Variants in SNRPA1 observed in about 807,000 individuals in gnomAD.
SNRPA1 encodes U2 small nuclear ribonucleoprotein A'.
A neutral mutation model predicts 32.3 loss-of-function variants in SNRPA1; 5 were observed. The ratio of observed to expected loss-of-function variants is 0.15; its 90% CI spans 0.08 to 0.33. The LOEUF (loss-of-function observed/expected upper bound fraction) is 0.33, where lower values mean the gene tolerates loss of function less well. Among genes scored for constraint, SNRPA1 ranks in the 10% least tolerant of loss-of-function variants. The probability of loss-of-function intolerance (pLI) is 1.00; values close to 1 mark genes in which losing one functional copy is unlikely to be tolerated. For missense variants in SNRPA1, 198 were observed against 311.1 expected (o/e 0.64, Z 2.74); for synonymous variants, 111 against 120.1 (o/e 0.92, Z 0.50).
At chr15:101,287,800 T>A (rs1226749591) in intron 3 of SNRPA1, 98 bp from the exon 4 acceptor site, 19 of 1,043,426 alleles carry the variant, frequency 1.8e-5, no homozygotes, top group Non-Finnish European at 2.6e-5. Flanking sequence ...CTTTTCATTA[T>A]TTACTGAATT....
At position 101,291,833 on chromosome 15, in the gene SNRPA1, T is replaced by C. The variant is rs745717830; in HGVS notation, c.309+129A>G. 13 of 606,712 alleles carry C rather than the reference T, an allele frequency of 2.1e-5. No individual in the cohort carries two copies. In the South Asian group the frequency reaches 2.4e-4, roughly 11 times the overall value. The allele number at this position is 606,712 out of a possible 1,614,324, so 37.6% of individuals were successfully genotyped here. On this transcript the variant is annotated intron_variant, in intron 3 of 8. Transcript: ENST00000254193. ...GGCTGCAGAACCCAAAAGGCCCAGA[T>C]CCTGAATTAAGAAAAAGACAAGAAA...
intron 8 of SNRPA1, among the ~76,000 whole-genome samples, chr15:101,282,717 C>T (rs895099885): frequency 6.6e-6 from 1 of 152,186 alleles, no homozygotes; most frequent in African/African-American, 2.4e-5. Flanking sequence ...CATGTAATTA[C>T]ACATCAAAAA....
rs746250594 is a variant in SNRPA1 at position 101,295,202 on chromosome 15, G to T, written c.-24C>A. The T allele has an allele frequency of 6.6e-7, 1 of 1,515,504 alleles. No individual in the cohort carries two copies. 93.9% of individuals were successfully genotyped at this position (1,515,504 alleles called of 1,614,324 possible). On this transcript the variant is annotated 5_prime_UTR_variant, in exon 1 of 9. Transcript: ENST00000254193. Reference sequence around the variant, plus strand: ...ATCCTGCAGCCTCCCGTTCCCCCGCGCTGTGGAAAGCCCGTGGCCTCCCGC... The same window carrying T: ...ATCCTGCAGCCTCCCGTTCCCCCGCTCTGTGGAAAGCCCGTGGCCTCCCGC...
intron 7 of SNRPA1, 132 bp downstream of exon 7, chr15:101,285,594 C>A: frequency 1.6e-6 from 1 of 638,724 alleles, no homozygotes; most frequent in South Asian, 1.9e-5. Context: ...TTTCCTTAAA[C>A]AGAAATATTG....
chr15:101,287,775 T>A (rs2039472587), intron 3 of SNRPA1, 73 bp from the exon 4 acceptor site: 1 of 1,376,520 alleles, frequency 7.3e-7, no homozygotes, highest in South Asian at 1.2e-5. Flanking sequence ...GGAGAGTGCT[T>A]TTGAAGCAAG....
intron 8 of SNRPA1, chr15:101,284,599 T>G: frequency 6.1e-6 from 1 of 163,850 alleles, no homozygotes; most frequent in Non-Finnish European, 1.3e-5. Context: ...ACCTCCCGGG[T>G]TCAAGCGATT....
intron 3 of SNRPA1, among the ~76,000 whole-genome samples, chr15:101,290,895 C>G (rs1298971078): frequency 6.6e-6 from 1 of 152,198 alleles, no homozygotes; most frequent in African/African-American, 2.4e-5. Context: ...GAACCCACCA[C>G]CACGCCCGGC....
At chr15:101,288,861 G>C (rs1174934071) in intron 3 of SNRPA1, among the ~76,000 whole-genome samples, 1 of 152,200 alleles carries the variant, frequency 6.6e-6, no homozygotes, top group Non-Finnish European at 1.5e-5. Context: ...TCTGTGATAA[G>C]GGCTGCAGGG....
chr15:101,283,179 C>T (rs74041962), intron 8 of SNRPA1, among the ~76,000 whole-genome samples: 14,617 of 152,178 alleles, frequency 0.096, 1,950 homozygotes, highest in African/African-American at 0.3. Flanking sequence ...CTGAGGTGCC[C>T]GCAGTTCTAC....
chr15:101,288,840 G>A (rs2039486661), intron 3 of SNRPA1, among the ~76,000 whole-genome samples: 1 of 152,172 alleles, frequency 6.6e-6, no homozygotes, highest in Non-Finnish European at 1.5e-5. Context: ...TTCCAATAAT[G>A]ACTACAGGGG....
rs1249280480 is a variant in SNRPA1 at position 101,286,961 on chromosome 15, T to C, written c.406A>G (p.Ile136Val). Residue 136 changes from isoleucine (I) to valine (V), a missense_variant, in exon 5 of 9, where the codon ATT becomes GTT. Ile to Val is a conservative substitution (Grantham distance 29). This residue lies in a region of SNRPA1 where 119 missense variants were observed against 171.6 expected (regional missense o/e 0.69). Transcript: ENST00000254193. ...ACTCTGACTTGCGGAACTTTATAAA[T>C]CACATACAATCTGTAATGCTTCTTA... is the stretch of plus-strand genomic sequence containing the variant. ...TNKKHYRLYV[I>V]YKVPQVRVLD... is the part of the protein sequence containing the mutation. The C allele has an allele frequency of 1.9e-6, 3 of 1,608,632 alleles. No homozygotes were observed. The highest frequency in any genetic ancestry group is 2.6e-6 in the Non-Finnish European group (3 of 1,175,492).
Position 101,281,768 on chromosome 15 carries a change from C to T in SNRPA1, c.724G>A (p.Gly242Ser). 2.5e-6 allele frequency: 4 copies of T among 1,614,082 alleles called. No individual in the cohort carries two copies. Among genetic ancestry groups the T allele is most frequent in the Non-Finnish European group, 3.4e-6 (4 of 1,179,926 alleles). Residue 242 changes from glycine to serine, a missense_variant, in exon 9 of 9, where the codon GGT (glycine) becomes AGT (serine). Gly to Ser is a moderately conservative substitution (Grantham distance 56). Around this residue, in one of 3 missense-constraint regions of SNRPA1, gnomAD observed 77 missense variants for 120.1 expected, o/e 0.64. Transcript: ENST00000254193. ...RERRSGPTDD[G>S]EEEMEEDTVT... The stretch of plus-strand genomic sequence containing the variant: ...GTGTCTTCTTCCATCTCTTCTTCAC[C>T]ATCATCAGTGGGCCCTAAAGAAAAC...
intron 3 of SNRPA1, chr15:101,288,179 A>G (rs1401138264): frequency 6.1e-6 from 1 of 163,000 alleles, no homozygotes; most frequent in Non-Finnish European, 1.4e-5. Context: ...CTTTAAATAA[A>G]ATTTGCAGGG....
Position 101,293,184 on chromosome 15 carries a change from A to AG in SNRPA1, c.83-13dup, listed in dbSNP as rs773849228. ...GGGAATTTTATACCCTATAAAATGG[A>AG]GGAAAAAAACACAAGAGGTATTAAT... On this transcript the variant is annotated splice_polypyrimidine_tract_variant and intron_variant, in intron 1 of 8. Transcript: ENST00000254193. The AG allele has an allele frequency of 2.5e-6, 4 of 1,585,486 alleles. No individual in the cohort carries two copies. The South Asian group carries it at 4.6e-5, about 18-fold the overall frequency.
chr15:101,290,931 G>A (rs1436073413), intron 3 of SNRPA1, among the ~76,000 whole-genome samples: 2 of 151,816 alleles, frequency 1.3e-5, no homozygotes, highest in Non-Finnish European at 2.9e-5. Flanking sequence ...TAGTAGAGAC[G>A]GGGTTTCACC....
At chr15:101,293,198 A>T in intron 1 of SNRPA1, 26 bp from the exon 2 acceptor site, 1 of 1,543,388 alleles carries the variant, frequency 6.5e-7, no homozygotes. Flanking sequence ...AAAAAACACA[A>T]GAGGTATTAA....
chr15:101,288,666 G>A (rs1182430319), intron 3 of SNRPA1, among the ~76,000 whole-genome samples: 1 of 152,212 alleles, frequency 6.6e-6, no homozygotes, highest in African/African-American at 2.4e-5. Flanking sequence ...AAGGCATTCT[G>A]CAGTAACTCT....
At chr15:101,291,867 T>G in intron 3 of SNRPA1, 95 bp downstream of exon 3, 1 of 745,470 alleles carries the variant, frequency 1.3e-6, no homozygotes, top group Non-Finnish European at 2.3e-6. Flanking sequence ...AAGAGGATAC[T>G]GAGATCATTT....
At chr15:101,284,843 A>T in intron 8 of SNRPA1, 124 bp downstream of exon 8, 1 of 752,538 alleles carries the variant, frequency 1.3e-6, no homozygotes, top group Non-Finnish European at 2.4e-6. Flanking sequence ...AAGAGATTTC[A>T]TATATTAGAT....
Sources: allele counts gnomAD v4.1 joint callset (sites outside exome capture counted in the v4.1 genomes callset), GRCh38; gene constraint gnomAD v4.1.1; regional missense constraint gnomAD v4.1.1; transcripts MANE v1.5; gene names NCBI Gene and HGNC (gene_info 2026-07-23, HGNC 2026-07-21).